TP53BP1: variants seen among roughly 807,000 people sequenced by gnomAD.
TP53BP1 encodes TP53-binding protein 1.
Under a neutral mutation model 200.8 loss-of-function variants are expected in TP53BP1, and 61 were observed. The observed-to-expected ratio is 0.30, with a 90% CI of 0.25 to 0.38. The LOEUF (loss-of-function observed/expected upper bound fraction) is 0.38, where lower values mean the gene tolerates loss of function less well. TP53BP1 is among the 10% of genes least tolerant of loss of function. The pLI is 1.00. For synonymous variants in TP53BP1, 822 were observed against 844.3 expected, an observed-to-expected ratio of 0.97 and a Z score of 0.46; for missense variants, 2,144 against 2,371.9, an observed-to-expected ratio of 0.90 and a Z score of 2.00.
chr15:43,487,057 T>G (rs1322642609), intron 4 of TP53BP1, among the ~76,000 whole-genome samples: 1 of 152,088 alleles, frequency 6.6e-6, no homozygotes, highest in East Asian at 1.9e-4. Context: ...AGAAAATATT[T>G]GCAAAATACA....
chr15:43,466,848 C>T (rs1193092431), intron 11 of TP53BP1, among the ~76,000 whole-genome samples: 2 of 152,068 alleles, frequency 1.3e-5, no homozygotes, highest in Admixed American at 1.3e-4. Flanking sequence ...CAGGTCAAGA[C>T]CCTGTGCCTA....
At chr15:43,437,252 G>C (rs2045820325) in intron 16 of TP53BP1, among the ~76,000 whole-genome samples, 1 of 152,114 alleles carries the variant, frequency 6.6e-6, no homozygotes, top group African/African-American at 2.4e-5. Context: ...TGCTCTGTGG[G>C]AAACTAAGGA....
rs45513797 is a variant in TP53BP1 at position 43,427,536 on chromosome 15, T to C, written c.3828+480A>G. On this transcript the variant is annotated intron_variant, in intron 18 of 27. Transcript: ENST00000382044. The stretch of plus-strand genomic sequence containing the variant: ...CAGCAAACCTATGGCTGGGGAAAGC[T>C]TTAGAAAGCAGGAAGTCTAACTTCT... Among the ~76,000 whole-genome samples, 30 of 152,306 alleles carry C rather than the reference T, an allele frequency of 2.0e-4. No individual in the cohort carries two copies. In the East Asian group the frequency reaches 5.8e-3, roughly 29 times the overall value.
chr15:43,421,999 C>A lies in TP53BP1; in HGVS notation c.3956G>T (p.Arg1319Leu). Reference sequence around the variant, plus strand: ...TGAGAGACTTGTCCCACTTGATGTGCGGTGTAAGCTGGATGCCTTGGAGGA... The same window carrying A: ...TGAGAGACTTGTCCCACTTGATGTGAGGTGTAAGCTGGATGCCTTGGAGGA... ...SFSSKASSLH[R>L]TSSGTSLSAM... Residue 1319 changes from arginine (R) to leucine (L), a missense_variant, in exon 19 of 28, where the codon CGC (arginine) becomes CTC (leucine). Coordinates refer to ENST00000382044, the MANE Select transcript of TP53BP1 (RefSeq NM_001141980.3). 1 of 1,614,166 alleles carries A rather than the reference C, an allele frequency of 6.2e-7. No individual in the cohort carries two copies. Among genetic ancestry groups the A allele is most frequent in the South Asian group, 1.1e-5 (1 of 91,086 alleles).
chr15:43,441,560 T>G lies in TP53BP1; in HGVS notation c.3064A>C (p.Asn1022His). 6.2e-7 allele frequency: 1 copy of G among 1,613,594 alleles called. No homozygotes were observed. Among genetic ancestry groups the G allele is most frequent in the Non-Finnish European group, 8.5e-7 (1 of 1,179,618 alleles). Residue 1022 changes from asparagine (N) to histidine (H), a missense_variant, in exon 15 of 28, where the codon AAT (asparagine) becomes CAT (histidine). Asn to His is a moderately conservative substitution (Grantham distance 68, BLOSUM62 1). This residue lies in a region of TP53BP1 where 1,700 missense variants were observed against 1,710.3 expected (regional missense o/e 0.99). Transcript: ENST00000382044. ...LEKPATGERK[N>H]GSTAVAESVA... The stretch of plus-strand genomic sequence containing the variant: ...GACTCAGCAACAGCAGTAGATCCAT[T>G]TTTTCTTTCACCAGTTGCAGGCTCT...
upstream of TP53BP1, among the ~76,000 whole-genome samples, chr15:43,496,748 T>C (rs113580287): frequency 6.6e-6 from 1 of 151,740 alleles, no homozygotes; most frequent in Non-Finnish European, 1.5e-5. Flanking sequence ...CTCAGCCTCC[T>C]GAGTAGCTAG....
intron 10 of TP53BP1, among the ~76,000 whole-genome samples, chr15:43,472,016 T>C (rs1362241877): frequency 6.6e-6 from 1 of 152,238 alleles, no homozygotes; most frequent in Non-Finnish European, 1.5e-5. Context: ...CTATCACTGA[T>C]AAATTACATT....
intron 14 of TP53BP1, among the ~76,000 whole-genome samples, chr15:43,443,629 A>C (rs2143003545): frequency 6.6e-6 from 1 of 152,274 alleles, no homozygotes; most frequent in African/African-American, 2.4e-5. Flanking sequence ...TGGGAGATGG[A>C]GGCTGCAGTG....
At chr15:43,440,851 C>T (rs1393745185) in intron 15 of TP53BP1, among the ~76,000 whole-genome samples, 1 of 151,300 alleles carries the variant, frequency 6.6e-6, no homozygotes, top group Non-Finnish European at 1.5e-5. Context: ...ATCTCACCAC[C>T]GCACTCCAGC....
chr15:43,506,615 C>G (rs372725309), intron 1 of TP53BP1, among the ~76,000 whole-genome samples: 7 of 152,182 alleles, frequency 4.6e-5, no homozygotes, highest in Non-Finnish European at 8.8e-5. Flanking sequence ...ACTATATCTG[C>G]CAATTTTGCT....
At chr15:43,494,951 G>A (rs2079172343), upstream of TP53BP1, among the ~76,000 whole-genome samples, 1 of 152,170 alleles carries the variant, frequency 6.6e-6, no homozygotes. Flanking sequence ...CACTTTGGGA[G>A]GCAGAGGCAG....
chr15:43,428,230 C>G, intron 17 of TP53BP1, 62 bp from the exon 18 acceptor site: 1 of 1,435,400 alleles, frequency 7.0e-7, no homozygotes, highest in East Asian at 2.3e-5. Context: ...AATCACAAAT[C>G]TTATGCTTCA....
intron 1 of TP53BP1, 77 bp downstream of exon 1, chr15:43,492,960 T>TC: frequency 8.9e-7 from 1 of 1,122,356 alleles, no homozygotes; most frequent in South Asian, 1.6e-5. Flanking sequence ...CCCCGCCCCC[T>TC]CCGGTCAGCC....
chr15:43,488,894 C>CA (rs908443576), intron 4 of TP53BP1, among the ~76,000 whole-genome samples: 40 of 147,460 alleles, frequency 2.7e-4, no homozygotes, highest in South Asian at 8.6e-4. Flanking sequence ...GACTCCGTCT[C>CA]AAAAAAAAAA....
At position 43,456,962 on chromosome 15, in the gene TP53BP1, T is replaced by C; in HGVS notation, c.1646A>G (p.Gln549Arg). ...AGACATGGGTTCCGTATCCTCAATC[T>C]GTGTGTTTTCTCCATCTTCATCAAT... ...HRIDEDGENT[Q>R]IEDTEPMSPV... Residue 549 changes from glutamine to arginine, a missense_variant, in exon 12 of 28, where the codon CAG (glutamine) becomes CGG (arginine). Coordinates refer to ENST00000382044, the MANE Select transcript of TP53BP1 (RefSeq NM_001141980.3). The C allele has an allele frequency of 6.2e-7, 1 of 1,614,240 alleles. No homozygotes were observed. The highest frequency in any genetic ancestry group is 8.5e-7 in the Non-Finnish European group (1 of 1,180,048).
chr15:43,510,629 T>C, upstream of TP53BP1: 1 of 266,756 alleles, frequency 3.7e-6, no homozygotes, highest in Non-Finnish European at 7.1e-6. Flanking sequence ...CGGGCGAGGC[T>C]GCGGAATTGC....
chr15:43,491,193 G>T (rs1260247343), intron 4 of TP53BP1, among the ~76,000 whole-genome samples: 1 of 151,602 alleles, frequency 6.6e-6, no homozygotes, highest in African/African-American at 2.4e-5. Flanking sequence ...CAACTCTCCT[G>T]CCTCAGCCTC....
At chr15:43,416,096 CCACCATCTGAGAAGCCA>C in intron 22 of TP53BP1, 112 bp downstream of exon 22, 1 of 881,790 alleles carries the variant, frequency 1.1e-6, no homozygotes, top group Non-Finnish European at 1.7e-6. Context: ...GACAGCTCAT[CCACCATCTGAGAAGCCA>C]CACATAGGAA....
intron 4 of TP53BP1, among the ~76,000 whole-genome samples, chr15:43,488,297 C>CA (rs779360693): frequency 2.3e-3 from 231 of 101,788 alleles, no homozygotes; most frequent in South Asian, 4.4e-3. Flanking sequence ...GGCCCTGTCT[C>CA]AAAAAAAAAA....
Sources: gnomAD v4.1 joint callset for allele counts (sites outside exome capture counted in the v4.1 genomes callset) on GRCh38, gnomAD v4.1.1 for gene constraint, gnomAD v4.1.1 regional missense constraint, MANE v1.5 for transcripts, NCBI Gene and HGNC (gene_info 2026-07-23, HGNC 2026-07-21) for gene names.